The following MDGA2 variants were observed in gnomAD, a reference collection of about 807,000 sequenced individuals.
MDGA2 encodes MAM domain containing glycosylphosphatidylinositol anchor 2.
Under a neutral mutation model 117.8 loss-of-function variants are expected in MDGA2, and 40 were observed. The observed-to-expected ratio is 0.34, with a 90% CI of 0.26 to 0.44. MDGA2 has a LOEUF of 0.44. Among genes scored for constraint, MDGA2 ranks in the 20% least tolerant of loss-of-function variants. MDGA2 has a pLI of 1.00. For synonymous variants in MDGA2, 452 were observed against 439.0 expected (o/e 1.03, Z -0.37); for missense variants, 1,123 against 1,250.6 (o/e 0.90, Z 1.54).
chr14:47,666,421 C>T (rs1897964287), intron 1 of MDGA2, among the ~76,000 whole-genome samples: 1 of 149,692 alleles, frequency 6.7e-6, no homozygotes, highest in South Asian at 2.1e-4. Context: ...CTGTATCTAG[C>T]TCAAGGTTTG....
At chr14:47,444,802 G>A (rs944945622) in intron 1 of MDGA2, among the ~76,000 whole-genome samples, 5 of 152,068 alleles carry the variant, frequency 3.3e-5, no homozygotes, top group Admixed American at 2.0e-4. Flanking sequence ...AGTGAATCAT[G>A]CACTCCATGA....
In MDGA2 at chr14:47,417,017, T is replaced by C. The variant is rs535532216; in HGVS notation, c.281-115467A>G. ...TAGGTAATCTTGAAGAGAATGCTGG[T>C]AGAAGCATGGATGATAAAAGCTATT... is the stretch of plus-strand genomic sequence containing the variant. On this transcript the variant is annotated intron_variant, in intron 1 of 16. Coordinates refer to ENST00000399232, the MANE Select transcript of MDGA2 (RefSeq NM_001113498.3). Among the ~76,000 whole-genome samples, 19 of 152,272 alleles carry C rather than the reference T, an allele frequency of 1.2e-4. No homozygotes were observed. In the South Asian group the frequency reaches 2.5e-3, roughly 20 times the overall value.
In MDGA2 at chr14:47,674,672, A is replaced by T; in HGVS notation, c.125T>A (p.Val42Glu). Reference protein sequence around the residue: ...PGHLGLARARVERAWLAAGLL... With the variant: ...PGHLGLARAREERAWLAAGLL... Reference sequence around the variant, plus strand: ...GCCGGCGGCCAGCCAGGCGCGCTCCACTCGCGCCCGGGCCAAGCCGAGGTG... The same window carrying T: ...GCCGGCGGCCAGCCAGGCGCGCTCCTCTCGCGCCCGGGCCAAGCCGAGGTG... Residue 42 changes from valine to glutamate, a missense_variant, in exon 1 of 17, where the codon GTG becomes GAG. Coordinates refer to ENST00000399232, the MANE Select transcript of MDGA2 (RefSeq NM_001113498.3). 7.5e-7 allele frequency: 1 copy of T among 1,336,850 alleles called. No individual in the cohort carries two copies. 82.8% of individuals were successfully genotyped at this position (1,336,850 alleles called of 1,614,324 possible). A position where few individuals can be genotyped will look rare whatever the true frequency, so the allele number is the denominator to read the frequency against.
chr14:47,657,328 T>C (rs964300537), intron 1 of MDGA2, among the ~76,000 whole-genome samples: 6 of 152,180 alleles, frequency 3.9e-5, no homozygotes, highest in African/African-American at 1.2e-4. Flanking sequence ...GATTTATTGA[T>C]ATTAGTCAGC....
chr14:47,341,452 C>T (rs1375159481), intron 1 of MDGA2, among the ~76,000 whole-genome samples: 1 of 152,106 alleles, frequency 6.6e-6, no homozygotes, highest in African/African-American at 2.4e-5. Context: ...GAAATATCTG[C>T]TCTTTGGTAC....
Position 47,208,743 on chromosome 14 carries a change from T to A in MDGA2, c.595+9278A>T, listed in dbSNP as rs527571214. Among the ~76,000 whole-genome samples the A allele has an allele frequency of 6.6e-5, 10 of 152,036 alleles. No homozygotes were observed. The East Asian group carries it at 1.7e-3, about 26-fold the overall frequency. On this transcript the variant is annotated intron_variant, in intron 3 of 16. Transcript: ENST00000399232. ...ATCCCACCTAGACAATGGACTGTGT[T>A]CTTAAGGGCCTTTTATTCAGTTTAA...
chr14:47,413,850 C>A (rs1488883479), intron 1 of MDGA2, among the ~76,000 whole-genome samples: 1 of 151,898 alleles, frequency 6.6e-6, no homozygotes, highest in African/African-American at 2.4e-5. Flanking sequence ...TCAGCCATGG[C>A]AACAGCATGG....
intron 2 of MDGA2, among the ~76,000 whole-genome samples, chr14:47,300,820 T>C (rs1889253746): frequency 6.6e-6 from 1 of 152,080 alleles, no homozygotes; most frequent in Non-Finnish European, 1.5e-5. Context: ...ATATTGTAAT[T>C]TTAGTGCCCT....
At chr14:47,028,399 A>T (rs2138618966) in intron 8 of MDGA2, among the ~76,000 whole-genome samples, 1 of 152,332 alleles carries the variant, frequency 6.6e-6, no homozygotes. Flanking sequence ...GTAAATATAT[A>T]CAACCATTAG....
At chr14:47,653,190 A>G (rs1302260642) in intron 1 of MDGA2, among the ~76,000 whole-genome samples, 2 of 152,176 alleles carry the variant, frequency 1.3e-5, no homozygotes, top group African/African-American at 4.8e-5. Context: ...TCAATTTTCT[A>G]TGGAACACAA....
At chr14:47,266,503 T>G (rs749232506) in intron 2 of MDGA2, among the ~76,000 whole-genome samples, 1 of 152,308 alleles carries the variant, frequency 6.6e-6, no homozygotes, top group Admixed American at 6.5e-5. Flanking sequence ...TGCTCAATCA[T>G]TCTTTAGCAT....
At chr14:47,346,761 G>A (rs1471393137) in intron 1 of MDGA2, among the ~76,000 whole-genome samples, 1 of 152,120 alleles carries the variant, frequency 6.6e-6, no homozygotes, top group East Asian at 1.9e-4. Context: ...AGCATTCCAA[G>A]TACTGGGAAT....
chr14:47,380,674 C>A (rs1236572521), intron 1 of MDGA2, among the ~76,000 whole-genome samples: 1 of 151,972 alleles, frequency 6.6e-6, no homozygotes, highest in African/African-American at 2.4e-5. Flanking sequence ...GAATCTGAAT[C>A]CCTGAATAGG....
intron 14 of MDGA2, among the ~76,000 whole-genome samples, chr14:46,872,190 T>G (rs1157254033): frequency 6.6e-6 from 1 of 151,960 alleles, no homozygotes; most frequent in African/African-American, 2.4e-5. Flanking sequence ...CAAACTTAAT[T>G]GAGAGTATTA....
intron 1 of MDGA2, among the ~76,000 whole-genome samples, chr14:47,489,975 C>G (rs1894136316): frequency 6.6e-6 from 1 of 151,970 alleles, no homozygotes; most frequent in African/African-American, 2.4e-5. Flanking sequence ...TTGTGGGAAG[C>G]CTGTTTTCTA....
chr14:47,135,033 A>T (rs967944038), intron 4 of MDGA2, among the ~76,000 whole-genome samples: 1 of 151,910 alleles, frequency 6.6e-6, no homozygotes, highest in African/African-American at 2.4e-5. Flanking sequence ...TTCAATTTGC[A>T]TTTTCTGAAT....
At chr14:47,058,571 A>C in intron 7 of MDGA2, 1 of 984,986 alleles carries the variant, frequency 1.0e-6, no homozygotes, top group Non-Finnish European at 1.2e-6. Flanking sequence ...ACTATATCCT[A>C]GAATACACCT....
intron 14 of MDGA2, among the ~76,000 whole-genome samples, chr14:46,870,032 G>A (rs920698230): frequency 2.0e-5 from 3 of 151,908 alleles, no homozygotes; most frequent in Admixed American, 6.6e-5. Flanking sequence ...GAGAGACTTT[G>A]AGCCAAAGGC....
chr14:47,164,819 C>G (rs1594684223), intron 3 of MDGA2, among the ~76,000 whole-genome samples: 1 of 152,254 alleles, frequency 6.6e-6, no homozygotes, highest in East Asian at 1.9e-4. Flanking sequence ...TATTGCAGCA[C>G]TATTCACAAT....
Sources: allele counts gnomAD v4.1 joint callset (sites outside exome capture counted in the v4.1 genomes callset), GRCh38; gene constraint gnomAD v4.1.1; transcripts MANE v1.5; gene names NCBI Gene and HGNC (gene_info 2026-07-23, HGNC 2026-07-21).